SH3GL2: variants seen among roughly 807,000 people sequenced by gnomAD.
SH3GL2 encodes endophilin-A1.
SH3GL2 carries 24 observed loss-of-function variants against 46.0 expected under a neutral mutation model. The observed-to-expected ratio is 0.52, with a 90% CI of 0.38 to 0.73. The LOEUF (loss-of-function observed/expected upper bound fraction) is 0.73, where lower values mean the gene tolerates loss of function less well. Ranked by LOEUF, SH3GL2 falls within the 30% of genes least tolerant of loss-of-function variation. SH3GL2 has a pLI of 0.00. For synonymous variants in SH3GL2, 196 were observed against 147.1 expected (o/e 1.33, Z -2.40); for missense variants, 413 against 424.2 (o/e 0.97, Z 0.23).
chr9:17,735,102 C>T (rs1253147197), intron 1 of SH3GL2, among the ~76,000 whole-genome samples: 5 of 152,124 alleles, frequency 3.3e-5, no homozygotes, highest in Non-Finnish European at 7.4e-5. Flanking sequence ...GAAGGGGTAA[C>T]CAGTCTCTTA....
chr9:17,775,605 C>G (rs909266022), intron 3 of SH3GL2, among the ~76,000 whole-genome samples: 2 of 152,178 alleles, frequency 1.3e-5, no homozygotes, highest in Admixed American at 6.5e-5. Flanking sequence ...AATACTACTA[C>G]AAATTATTCG....
intron 1 of SH3GL2, among the ~76,000 whole-genome samples, chr9:17,594,851 G>C (rs1818542754): frequency 6.6e-6 from 1 of 152,026 alleles, no homozygotes; most frequent in South Asian, 2.1e-4. Flanking sequence ...CATAGCTTCT[G>C]TTTCTGTTGA....
intron 1 of SH3GL2, among the ~76,000 whole-genome samples, chr9:17,725,403 A>G (rs901840553): frequency 7.2e-5 from 11 of 151,986 alleles, no homozygotes; most frequent in African/African-American, 2.4e-4. Context: ...TGTTACTGTT[A>G]TCATGAAGCT....
chr9:17,715,830 C>G (rs1189367837), intron 1 of SH3GL2, among the ~76,000 whole-genome samples: 2 of 152,030 alleles, frequency 1.3e-5, no homozygotes, highest in Non-Finnish European at 1.5e-5. Flanking sequence ...TAAACATGCT[C>G]AGAACCCTTA....
intron 1 of SH3GL2, among the ~76,000 whole-genome samples, chr9:17,679,777 G>A (rs961737454): frequency 3.9e-5 from 6 of 152,074 alleles, no homozygotes; most frequent in African/African-American, 1.4e-4. Flanking sequence ...GTGATAAATA[G>A]CTCTTATTAT....
At chr9:17,768,190 T>C (rs1368174963) in intron 3 of SH3GL2, among the ~76,000 whole-genome samples, 1 of 151,690 alleles carries the variant, frequency 6.6e-6, no homozygotes, top group Non-Finnish European at 1.5e-5. Flanking sequence ...GCTAACACAG[T>C]GAAACTCTGT....
chr9:17,685,523 T>A (rs2118079513), intron 1 of SH3GL2, among the ~76,000 whole-genome samples: 1 of 152,210 alleles, frequency 6.6e-6, no homozygotes, highest in Non-Finnish European at 1.5e-5. Context: ...CATCACAGGA[T>A]CCATTATTAG....
At chr9:17,674,313 C>G (rs868197008) in intron 1 of SH3GL2, among the ~76,000 whole-genome samples, 29 of 152,280 alleles carry the variant, frequency 1.9e-4, no homozygotes, top group African/African-American at 6.5e-4. Context: ...GTTGCCCAGG[C>G]TGGAGTGCAG....
rs1823074995 is a variant in SH3GL2 at position 17,758,572 on chromosome 9, A to AAAAAAAAAAAAAAAAAAAAAAAAT, written c.115-2864_115-2841dup. ...GTAAGACCCTGTCTCAAAAAAAAAAAAAAAAAAAAAAAAAAAAAAAAAATT... is the reference window on the plus strand; with the variant it reads ...GTAAGACCCTGTCTCAAAAAAAAAAAAAAAAAAAAAAAAAAAAAAAAAATAAAAAAAAAAAAAAAAAAAAAAATT... On this transcript the variant is annotated intron_variant, in intron 2 of 8. Transcript: ENST00000380607. Among the ~76,000 whole-genome samples the AAAAAAAAAAAAAAAAAAAAAAAAT allele has an allele frequency of 1.6e-5, 2 of 123,484 alleles. 1 individual carries two copies. The highest frequency in any genetic ancestry group is 3.2e-5 in the Non-Finnish European group (2 of 63,362). The allele number at this position is 123,484 out of a possible 152,430, so 81.0% of individuals were successfully genotyped here. A position where few individuals can be genotyped will look rare whatever the true frequency, so the allele number is the denominator to read the frequency against.
intron 1 of SH3GL2, among the ~76,000 whole-genome samples, chr9:17,722,605 C>T (rs1169942521): frequency 6.6e-6 from 1 of 151,714 alleles, no homozygotes; most frequent in Non-Finnish European, 1.5e-5. Context: ...ATTCCTGTGC[C>T]ATGCTGGTGT....
chr9:17,733,986 A>G (rs2118437988), intron 1 of SH3GL2, among the ~76,000 whole-genome samples: 1 of 152,154 alleles, frequency 6.6e-6, no homozygotes, highest in Non-Finnish European at 1.5e-5. Flanking sequence ...GAACCAGTGT[A>G]CTAAAGAACT....
intron 1 of SH3GL2, among the ~76,000 whole-genome samples, chr9:17,683,936 C>T (rs982446028): frequency 6.6e-6 from 1 of 152,058 alleles, no homozygotes; most frequent in Non-Finnish European, 1.5e-5. Context: ...ATCAACTCCC[C>T]ACACTTAAGA....
intron 1 of SH3GL2, among the ~76,000 whole-genome samples, chr9:17,677,624 GTATA>G (rs60772491): frequency 0.11 from 16,416 of 147,314 alleles, 1,098 homozygotes; most frequent in Admixed American, 0.2. Context: ...AAATTGTATG[GTATA>G]TATATATATA....
At chr9:17,633,358 G>T (rs1193592533) in intron 1 of SH3GL2, among the ~76,000 whole-genome samples, 1 of 152,188 alleles carries the variant, frequency 6.6e-6, no homozygotes, top group Non-Finnish European at 1.5e-5. Context: ...CTCAATGGCT[G>T]CACTGCTGCC....
intron 1 of SH3GL2, among the ~76,000 whole-genome samples, chr9:17,614,791 G>T (rs914907955): frequency 2.2e-4 from 33 of 152,254 alleles, no homozygotes; most frequent in African/African-American, 7.9e-4. Flanking sequence ...AGTGAAGTTT[G>T]TCTTTGCTCT....
intron 1 of SH3GL2, among the ~76,000 whole-genome samples, chr9:17,722,410 A>G (rs567240434): frequency 3.9e-5 from 6 of 152,250 alleles, no homozygotes; most frequent in Middle Eastern, 3.4e-3. Context: ...TCTCCATGCA[A>G]TGGTGAACAT....
chr9:17,679,138 C>T (rs899983901), intron 1 of SH3GL2, among the ~76,000 whole-genome samples: 2 of 152,042 alleles, frequency 1.3e-5, no homozygotes, highest in African/African-American at 4.8e-5. Flanking sequence ...TCCATATGAA[C>T]TTTAAAGTAG....
chr9:17,717,281 AC>A (rs1821786810), intron 1 of SH3GL2, among the ~76,000 whole-genome samples: 1 of 152,126 alleles, frequency 6.6e-6, no homozygotes. Flanking sequence ...TTTGAAGAAC[AC>A]ATTTCGTATT....
At chr9:17,615,312 G>A (rs907184183) in intron 1 of SH3GL2, among the ~76,000 whole-genome samples, 1 of 152,226 alleles carries the variant, frequency 6.6e-6, no homozygotes, top group African/African-American at 2.4e-5. Context: ...AATAAATTGG[G>A]TATTTAAGAT....
Sources: gnomAD v4.1 joint callset for allele counts (sites outside exome capture counted in the v4.1 genomes callset) on GRCh38, gnomAD v4.1.1 for gene constraint, MANE v1.5 for transcripts, NCBI Gene and HGNC (gene_info 2026-07-23, HGNC 2026-07-21) for gene names.